The following DOK6 variants were observed in gnomAD, a reference collection of about 807,000 sequenced individuals.
DOK6 encodes docking protein 6.
Under a neutral mutation model 44.0 loss-of-function variants are expected in DOK6, and 22 were observed. That is an observed-to-expected ratio of 0.50 (90% CI 0.36 to 0.71). DOK6 has a LOEUF of 0.71. Among genes scored for constraint, DOK6 ranks in the 30% least tolerant of loss-of-function variants. The probability of loss-of-function intolerance (pLI) is 0.00; values close to 1 mark genes in which losing one functional copy is unlikely to be tolerated. For missense variants in DOK6, 340 were observed against 416.4 expected (o/e 0.82, Z 1.60); for synonymous variants, 166 against 145.5 (o/e 1.14, Z -1.01).
intron 5 of DOK6, among the ~76,000 whole-genome samples, chr18:69,704,619 C>G (rs1219172676): frequency 6.6e-6 from 1 of 151,976 alleles, no homozygotes; most frequent in Admixed American, 6.6e-5. Flanking sequence ...GCTGGGACTA[C>G]AGGCGCCCGC....
At chr18:69,479,653 C>T (rs185975990) in intron 1 of DOK6, among the ~76,000 whole-genome samples, 1 of 152,060 alleles carries the variant, frequency 6.6e-6, no homozygotes, top group African/African-American at 2.4e-5. Context: ...TCCAAGTAAT[C>T]ATTAACTTTG....
intron 7 of DOK6, among the ~76,000 whole-genome samples, chr18:69,830,885 C>T (rs1981882325): frequency 6.6e-6 from 1 of 152,176 alleles, no homozygotes; most frequent in Non-Finnish European, 1.5e-5. Context: ...CTGACTTCTT[C>T]TGCACTATCC....
rs1979913847 is a variant in DOK6, at chr18:69,772,336, G to A, written c.856+14463G>A. Among the ~76,000 whole-genome samples the A allele has an allele frequency of 2.0e-5, 3 of 151,854 alleles. No individual in the cohort carries two copies. In the South Asian group the frequency reaches 6.2e-4, roughly 32 times the overall value. On this transcript the variant is annotated intron_variant, in intron 7 of 7. Coordinates refer to ENST00000382713, the MANE Select transcript of DOK6 (RefSeq NM_152721.6). Reference sequence around the variant, plus strand: ...ATGCAATCCCCAAAAAAATCCCAAGGTATTTTTCACAGGAATGGAAACAAT... The same window carrying A: ...ATGCAATCCCCAAAAAAATCCCAAGATATTTTTCACAGGAATGGAAACAAT...
chr18:69,572,763 A>G (rs1424168263), intron 2 of DOK6, among the ~76,000 whole-genome samples: 4 of 152,056 alleles, frequency 2.6e-5, no homozygotes, highest in Non-Finnish European at 4.4e-5. Flanking sequence ...AAATGGTATT[A>G]TGGCTAACAC....
chr18:69,629,667 A>T (rs992952217), intron 3 of DOK6, among the ~76,000 whole-genome samples: 1 of 152,192 alleles, frequency 6.6e-6, no homozygotes, highest in Non-Finnish European at 1.5e-5. Flanking sequence ...TAACAGGCTG[A>T]TCATTTCCAC....
chr18:69,537,270 A>G (rs2144578194), intron 1 of DOK6, among the ~76,000 whole-genome samples: 1 of 152,286 alleles, frequency 6.6e-6, no homozygotes, highest in South Asian at 2.1e-4. Context: ...TGGTTAACTC[A>G]GTCTCACTCA....
At chr18:69,578,068 AAAAT>A (rs138140938) in intron 2 of DOK6, among the ~76,000 whole-genome samples, 1 of 151,900 alleles carries the variant, frequency 6.6e-6, no homozygotes, top group South Asian at 2.1e-4. Context: ...AACGTAAAGT[AAAAT>A]AAATAAATAA....
At chr18:69,798,089 C>T (rs555355318) in intron 7 of DOK6, among the ~76,000 whole-genome samples, 10 of 152,138 alleles carry the variant, frequency 6.6e-5, no homozygotes, top group Non-Finnish European at 1.3e-4. Flanking sequence ...TGGACATATC[C>T]GCAGGTCAGT....
At chr18:69,486,685 A>G (rs1353632040) in intron 1 of DOK6, among the ~76,000 whole-genome samples, 1 of 152,182 alleles carries the variant, frequency 6.6e-6, no homozygotes, top group Non-Finnish European at 1.5e-5. Context: ...TGGAAATACT[A>G]ATTTTTCACT....
intron 1 of DOK6, among the ~76,000 whole-genome samples, chr18:69,468,015 A>C (rs561934010): frequency 6.6e-6 from 1 of 152,154 alleles, no homozygotes; most frequent in Admixed American, 6.5e-5. Flanking sequence ...TGAAGTTATT[A>C]TATTTTCAAA....
Position 69,682,744 on chromosome 18 carries a change from C to T in DOK6, c.409+4891C>T, listed in dbSNP as rs539399694. Among the ~76,000 whole-genome samples the T allele has an allele frequency of 7.8e-4, 119 of 152,256 alleles. 1 individual carries two copies. Among genetic ancestry groups the T allele is most frequent in the African/African-American group, 2.6e-3 (108 of 41,568 alleles). ...TGAAAAGCTGATATAAAAAATGATA[C>T]AATCTACCATCTCAGGTATAATAAA... is the stretch of plus-strand genomic sequence containing the variant. On this transcript the variant is annotated intron_variant, in intron 4 of 7. Coordinates refer to ENST00000382713, the MANE Select transcript of DOK6 (RefSeq NM_152721.6).
At chr18:69,462,347 A>G (rs931836838) in intron 1 of DOK6, among the ~76,000 whole-genome samples, 1 of 152,078 alleles carries the variant, frequency 6.6e-6, no homozygotes, top group African/African-American at 2.4e-5. Context: ...CTTCTTGCAT[A>G]GGCTATTAAG....
intron 1 of DOK6, among the ~76,000 whole-genome samples, chr18:69,559,211 A>G (rs1378205002): frequency 1.3e-5 from 2 of 152,156 alleles, no homozygotes; most frequent in African/African-American, 2.4e-5. Flanking sequence ...CTCATGTTTA[A>G]CTCACTCTTT....
intron 5 of DOK6, among the ~76,000 whole-genome samples, chr18:69,702,033 T>A (rs998365811): frequency 6.6e-6 from 1 of 151,876 alleles, no homozygotes; most frequent in Non-Finnish European, 1.5e-5. Context: ...ATATGAATTA[T>A]GTTATATACA....
Position 69,455,709 on chromosome 18 carries a change from C to T in DOK6, c.66+54399C>T, listed in dbSNP as rs187680559. ...CTGATGGCAGATGAGAAGAATGTAA[C>T]ATTTTAGGGGTAAATGCCACAGCAT... On this transcript the variant is annotated intron_variant, in intron 1 of 7. Coordinates refer to ENST00000382713, the MANE Select transcript of DOK6 (RefSeq NM_152721.6). 2.2e-3 allele frequency among the ~76,000 whole-genome samples: 341 copies of T among 152,262 alleles called. 1 individual carries two copies. Among genetic ancestry groups the T allele is most frequent in the Middle Eastern group, 0.01 (3 of 294 alleles).
chr18:69,401,230 C>G lies in DOK6; in HGVS notation c.-15C>G. 1 of 1,554,792 alleles carries G rather than the reference C, an allele frequency of 6.4e-7. No individual in the cohort carries two copies. Among genetic ancestry groups the G allele is most frequent in the Non-Finnish European group, 8.7e-7 (1 of 1,152,174 alleles). ...AGAGCGGATCGCGGGGCGCAGGAGCCCGATCGCGCTGGCCATGGCCTCCAA... is the reference window on the plus strand; with the variant it reads ...AGAGCGGATCGCGGGGCGCAGGAGCGCGATCGCGCTGGCCATGGCCTCCAA... On this transcript the variant is annotated 5_prime_UTR_variant, in exon 1 of 8. Coordinates refer to ENST00000382713, the MANE Select transcript of DOK6 (RefSeq NM_152721.6).
intron 1 of DOK6, among the ~76,000 whole-genome samples, chr18:69,529,069 T>C (rs571950710): frequency 9.8e-5 from 15 of 152,346 alleles, no homozygotes; most frequent in Middle Eastern, 3.4e-3. Context: ...TCTCTTTGTG[T>C]GTGTGTGCTT....
In DOK6 at chr18:69,667,457, C is replaced by CA. The variant is rs556304627; in HGVS notation, c.290-10272dup. On this transcript the variant is annotated intron_variant, in intron 3 of 7. Transcript: ENST00000382713. ...AACAAAGACAATAAGGGAAGCCTAA[C>CA]AAAAACTTTCCTTATTAAGGGAGCT... Among the ~76,000 whole-genome samples, 60 of 152,228 alleles carry CA rather than the reference C, an allele frequency of 3.9e-4. 1 individual carries two copies. Among genetic ancestry groups the CA allele is most frequent in the African/African-American group, 1.3e-3 (54 of 41,550 alleles).
chr18:69,638,224 A>T (rs573545998), intron 3 of DOK6, among the ~76,000 whole-genome samples: 91 of 152,348 alleles, frequency 6.0e-4, no homozygotes, highest in Non-Finnish European at 1.2e-3. Context: ...AATGGGTATG[A>T]CTGTGTTCTA....
Sources: gnomAD v4.1 joint callset for allele counts (sites outside exome capture counted in the v4.1 genomes callset) on GRCh38, gnomAD v4.1.1 for gene constraint, MANE v1.5 for transcripts, NCBI Gene and HGNC (gene_info 2026-07-23, HGNC 2026-07-21) for gene names.